Variants in CACNG3 observed in about 807,000 individuals in gnomAD.
CACNG3 encodes voltage-dependent calcium channel gamma-3 subunit.
In CACNG3, 3 loss-of-function variants were observed where a neutral mutation model predicts 28.5. The ratio of observed to expected loss-of-function variants is 0.11; its 90% CI spans 0.05 to 0.27. CACNG3 has a LOEUF of 0.27. CACNG3 is among the 10% of genes least tolerant of loss of function. CACNG3 has a pLI of 1.00. For synonymous variants in CACNG3, 174 were observed against 162.2 expected, an observed-to-expected ratio of 1.07 and a Z score of -0.55; for missense variants, 236 against 414.4, an observed-to-expected ratio of 0.57 and a Z score of 3.74.
In CACNG3 at chr16:24,362,014, C is replaced by A; in HGVS notation, c.*151C>A. The A allele has an allele frequency of 1.4e-6, 1 of 738,022 alleles. No homozygotes were observed. The highest frequency in any genetic ancestry group is 2.1e-6 in the Non-Finnish European group (1 of 471,084). The allele number at this position is 738,022 out of a possible 1,614,324, so 45.7% of individuals were successfully genotyped here. A position where few individuals can be genotyped will look rare whatever the true frequency, so the allele number is the denominator to read the frequency against. On this transcript the variant is annotated 3_prime_UTR_variant, in exon 4 of 4. Transcript: ENST00000005284. ...ACTCAGCCCTCTCCCACATTTTCCCCTCACCCTCCAAGTCCTAACCCCTCC... is the reference window on the plus strand; with the variant it reads ...ACTCAGCCCTCTCCCACATTTTCCCATCACCCTCCAAGTCCTAACCCCTCC...
intron 1 of CACNG3, among the ~76,000 whole-genome samples, chr16:24,284,505 T>C (rs1898868702): frequency 6.6e-6 from 1 of 152,216 alleles, no homozygotes; most frequent in South Asian, 2.1e-4. Flanking sequence ...TCTTTTTTCT[T>C]CTCTATTTTC....
At chr16:24,304,976 A>G (rs534309404) in intron 1 of CACNG3, among the ~76,000 whole-genome samples, 4 of 152,384 alleles carry the variant, frequency 2.6e-5, no homozygotes, top group South Asian at 2.1e-4. Flanking sequence ...TTGGTAATCA[A>G]TTAATTACTT....
chr16:24,341,386 G>A (rs1899785233), intron 1 of CACNG3, among the ~76,000 whole-genome samples: 2 of 152,240 alleles, frequency 1.3e-5, no homozygotes, highest in South Asian at 4.1e-4. Context: ...ATCTCACCAT[G>A]GCGCCAATGT....
At chr16:24,265,295 G>A (rs1394010172) in intron 1 of CACNG3, among the ~76,000 whole-genome samples, 3 of 147,304 alleles carry the variant, frequency 2.0e-5, no homozygotes, top group Non-Finnish European at 4.5e-5. Context: ...AGGGAGGAAG[G>A]AAGGAAGGAA....
rs150417980 is a variant in CACNG3, at chr16:24,332,067, A to G, written c.212-14667A>G. On this transcript the variant is annotated intron_variant, in intron 1 of 3. Transcript: ENST00000005284. The stretch of plus-strand genomic sequence containing the variant: ...ACGCTAGATCTCTCTCTGGTAGAAT[A>G]TAACAGCCTGGTCTATTTTGTTCAC... Among the ~76,000 whole-genome samples, 700 of 152,350 alleles carry G rather than the reference A, an allele frequency of 4.6e-3. 7 individuals carry two copies. The highest frequency in any genetic ancestry group is 0.016 in the African/African-American group (662 of 41,572).
intron 1 of CACNG3, among the ~76,000 whole-genome samples, chr16:24,296,128 A>G (rs1428338300): frequency 1.3e-5 from 2 of 152,174 alleles, no homozygotes; most frequent in Non-Finnish European, 2.9e-5. Context: ...CAAGGTCAGA[A>G]GCCCCCCAGT....
intron 1 of CACNG3, among the ~76,000 whole-genome samples, chr16:24,276,933 T>C (rs957770103): frequency 6.6e-6 from 1 of 152,240 alleles, no homozygotes; most frequent in Non-Finnish European, 1.5e-5. Flanking sequence ...ATTTTCCACC[T>C]TCTAACCTAT....
rs1567217582 is a variant in CACNG3 at position 24,317,635 on chromosome 16, A to AC, written c.212-29099_212-29098insC. ...GAAAGAAAGAAAGAAAGACAGACAG[A>AC]AAGAAAGAAAAGAAAAGAAAGAAAG... On this transcript the variant is annotated intron_variant, in intron 1 of 3. Transcript: ENST00000005284. Among the ~76,000 whole-genome samples the AC allele has an allele frequency of 2.2e-3, 104 of 46,662 alleles. 2 individuals carry two copies. The highest frequency in any genetic ancestry group is 5.8e-3 in the Admixed American group (25 of 4,316). 30.6% of individuals were successfully genotyped at this position (46,662 alleles called of 152,430 possible). A position where few individuals can be genotyped will look rare whatever the true frequency, so the allele number is the denominator to read the frequency against.
intron 1 of CACNG3, among the ~76,000 whole-genome samples, chr16:24,265,479 A>G (rs893189824): frequency 6.6e-6 from 1 of 150,772 alleles, no homozygotes; most frequent in Non-Finnish European, 1.5e-5. Flanking sequence ...GGAGAGAGAG[A>G]GAGAAAGAGA....
intron 1 of CACNG3, among the ~76,000 whole-genome samples, chr16:24,326,615 C>A (rs1899548735): frequency 6.6e-6 from 1 of 152,202 alleles, no homozygotes; most frequent in African/African-American, 2.4e-5. Context: ...CATGTGCTCA[C>A]CCTCTTAGCC....
chr16:24,264,226 G>A (rs1898569805), intron 1 of CACNG3, among the ~76,000 whole-genome samples: 2 of 152,250 alleles, frequency 1.3e-5, no homozygotes, highest in African/African-American at 2.4e-5. Flanking sequence ...CTGCCTGGCC[G>A]AGGGGTCGAG....
intron 1 of CACNG3, among the ~76,000 whole-genome samples, chr16:24,341,721 A>G (rs1296654338): frequency 6.6e-6 from 1 of 152,194 alleles, no homozygotes. Context: ...GACACCAAAG[A>G]CTGGGCTCTT....
chr16:24,327,411 C>T (rs1287401244), intron 1 of CACNG3, among the ~76,000 whole-genome samples: 4 of 89,070 alleles, frequency 4.5e-5, no homozygotes, highest in South Asian at 4.5e-4. Flanking sequence ...CTTGTTTCTA[C>T]GAATATATAT....
intron 1 of CACNG3, among the ~76,000 whole-genome samples, chr16:24,286,427 CACACACAT>C (rs1156878659): frequency 3.5e-5 from 5 of 141,038 alleles, no homozygotes; most frequent in Middle Eastern, 3.6e-3. Flanking sequence ...CACACACACA[CACACACAT>C]ATATATATAT....
chr16:24,266,973 T>C (rs1898618143), intron 1 of CACNG3, among the ~76,000 whole-genome samples: 1 of 150,824 alleles, frequency 6.6e-6, no homozygotes, highest in Non-Finnish European at 1.5e-5. Context: ...AATTTCTTTT[T>C]TTTTTTTTTT....
At chr16:24,307,046 A>T (rs974028453) in intron 1 of CACNG3, among the ~76,000 whole-genome samples, 1 of 152,090 alleles carries the variant, frequency 6.6e-6, no homozygotes, top group African/African-American at 2.4e-5. Context: ...GGCTTCCCAC[A>T]TCCAATAGCT....
intron 1 of CACNG3, among the ~76,000 whole-genome samples, chr16:24,313,064 C>T (rs1474856309): frequency 4.9e-5 from 3 of 61,082 alleles, no homozygotes; most frequent in South Asian, 1.4e-3. Flanking sequence ...AGAGAGAAAG[C>T]GAGGGAGGGA....
chr16:24,344,029 A>C (rs1318363119), intron 1 of CACNG3, among the ~76,000 whole-genome samples: 1 of 152,144 alleles, frequency 6.6e-6, no homozygotes, highest in Admixed American at 6.5e-5. Context: ...GCAGTGAGCC[A>C]AGATTGCGTC....
chr16:24,312,947 G>GAAAGAAAGAAAGAAAGAAAGAAAA (rs1899288446), intron 1 of CACNG3, among the ~76,000 whole-genome samples: 1 of 104,886 alleles, frequency 9.5e-6, no homozygotes, highest in African/African-American at 3.5e-5. Flanking sequence ...AAGAAAGAAA[G>GAAAGAAAGAAAGAAAGAAAGAAAA]AAAGAAAGAG....
Sources: allele counts gnomAD v4.1 joint callset (sites outside exome capture counted in the v4.1 genomes callset), GRCh38; gene constraint gnomAD v4.1.1; transcripts MANE v1.5; gene names NCBI Gene and HGNC (gene_info 2026-07-23, HGNC 2026-07-21).